Variants in CIMIP4 observed in about 807,000 individuals in gnomAD.
CIMIP4 encodes ciliary microtubule inner protein 4.
the CIMIP4 span, among the ~76,000 whole-genome samples, chr22:36,991,911 T>C: frequency 6.6e-6 from 1 of 152,312 alleles, no homozygotes; most frequent in South Asian, 2.1e-4. Context: ...CTAATACCTG[T>C]AACTTAGGAA....
the CIMIP4 span, among the ~76,000 whole-genome samples, chr22:36,994,482 C>A: frequency 2.1e-4 from 32 of 152,128 alleles, no homozygotes; most frequent in African/African-American, 6.8e-4. Context: ...TGCGCCATCA[C>A]GCCTAGCTAA....
the CIMIP4 span, chr22:36,999,987 G>C: frequency 2.5e-6 from 4 of 1,608,206 alleles, no homozygotes; most frequent in African/African-American, 2.7e-5. Context: ...TTTTGAGCCT[G>C]AGCAGGGAGG....
At chr22:36,991,435 G>C in the CIMIP4 span, 1 of 1,590,658 alleles carries the variant, frequency 6.3e-7, no homozygotes, top group South Asian at 1.1e-5. Flanking sequence ...CACCCTGCTG[G>C]TGGAGGACAG....
the CIMIP4 span, chr22:36,999,964 TTCA>T: frequency 6.2e-7 from 1 of 1,612,850 alleles, no homozygotes; most frequent in Non-Finnish European, 8.5e-7. Context: ...CCTCGAAGAC[TTCA>T]TCAATAGCCT....
At chr22:37,000,015 G>C in the CIMIP4 span, 1 of 1,594,150 alleles carries the variant, frequency 6.3e-7, no homozygotes, top group Non-Finnish European at 8.5e-7. Flanking sequence ...GACAGACAGG[G>C]GATGGAAAAG....
chr22:36,997,565 C>T, the CIMIP4 span, among the ~76,000 whole-genome samples: 19 of 152,330 alleles, frequency 1.2e-4, no homozygotes, highest in African/African-American at 4.6e-4. Flanking sequence ...GGTGCACTAG[C>T]CCAGCTTCCA....
the CIMIP4 span, among the ~76,000 whole-genome samples, chr22:37,003,755 T>C: frequency 6.6e-6 from 1 of 152,176 alleles, no homozygotes. Context: ...TCCCTGCACA[T>C]GGCAGGATGG....
At chr22:36,991,293 A>G in the CIMIP4 span, 1 of 1,613,572 alleles carries the variant, frequency 6.2e-7, no homozygotes, top group Non-Finnish European at 8.5e-7. Flanking sequence ...CGAGCAGGAG[A>G]AGAGCCAGCA....
the CIMIP4 span, among the ~76,000 whole-genome samples, chr22:37,004,240 A>G: frequency 6.6e-6 from 1 of 151,856 alleles, no homozygotes; most frequent in African/African-American, 2.4e-5. Flanking sequence ...TGCCTCCTGG[A>G]CTTCTGCAGC....
At chr22:37,003,574 C>T in the CIMIP4 span, among the ~76,000 whole-genome samples, 1 of 152,220 alleles carries the variant, frequency 6.6e-6, no homozygotes, top group Non-Finnish European at 1.5e-5. Context: ...CCCTCCACTC[C>T]TTGGGCTACA....
chr22:37,000,004 T>C, the CIMIP4 span: 58 of 1,602,320 alleles, frequency 3.6e-5, no homozygotes, highest in African/African-American at 5.8e-4. Flanking sequence ...GAGGCAGGGA[T>C]GACAGACAGG....
At chr22:36,991,346 A>G in the CIMIP4 span, 21 of 1,577,606 alleles carry the variant, frequency 1.3e-5, no homozygotes, top group African/African-American at 2.7e-5. Flanking sequence ...CCCAGACCCC[A>G]GGGATGACTC....
chr22:36,992,436 C>A, the CIMIP4 span, among the ~76,000 whole-genome samples: 1 of 152,022 alleles, frequency 6.6e-6, no homozygotes, highest in Non-Finnish European at 1.5e-5. Flanking sequence ...AAGAAACCAT[C>A]CAGAAAGAGC....
chr22:37,002,038 C>G, the CIMIP4 span: 1 of 1,610,346 alleles, frequency 6.2e-7, no homozygotes, highest in Non-Finnish European at 8.5e-7. Context: ...ATCGAGAGCC[C>G]GCATTCTTCA....
chr22:36,999,418 C>T, the CIMIP4 span, among the ~76,000 whole-genome samples: 20 of 147,132 alleles, frequency 1.4e-4, no homozygotes, highest in South Asian at 2.5e-3. Context: ...CTTTCTTGAG[C>T]CTGTGAGGTG....
the CIMIP4 span, among the ~76,000 whole-genome samples, chr22:37,004,208 T>TC: frequency 6.6e-6 from 1 of 151,896 alleles, no homozygotes; most frequent in African/African-American, 2.4e-5. Flanking sequence ...CCCCATTCAC[T>TC]CATCACCCCT....
the CIMIP4 span, among the ~76,000 whole-genome samples, chr22:36,992,490 C>A: frequency 6.6e-6 from 1 of 151,848 alleles, no homozygotes. Context: ...AGAAATGAAA[C>A]ACATAATAAT....
the CIMIP4 span, chr22:36,999,919 G>A: frequency 6.2e-7 from 1 of 1,613,974 alleles, no homozygotes; most frequent in East Asian, 2.2e-5. Context: ...CAGGATTCTG[G>A]GTCCTGCTGG....
At chr22:36,995,648 C>T in the CIMIP4 span, among the ~76,000 whole-genome samples, 1 of 152,162 alleles carries the variant, frequency 6.6e-6, no homozygotes, top group Non-Finnish European at 1.5e-5. Flanking sequence ...CTCCATTTTC[C>T]CCCATGCTGT....
Sources: gnomAD v4.1 joint callset for allele counts (sites outside exome capture counted in the v4.1 genomes callset) on GRCh38, gnomAD v4.1.1 for gene constraint, MANE v1.5 for transcripts, NCBI Gene and HGNC (gene_info 2026-07-23, HGNC 2026-07-21) for gene names.